The following ELAVL2 variants were observed in gnomAD, a reference collection of about 807,000 sequenced individuals.
ELAVL2 encodes the protein ELAV like RNA binding protein 2, also known as ELAV-like protein 2.
ELAVL2 carries 4 observed loss-of-function variants against 34.6 expected under a neutral mutation model. The observed-to-expected ratio is 0.12, with a 90% CI of 0.06 to 0.26. The LOEUF (loss-of-function observed/expected upper bound fraction) is 0.26. Ranked by LOEUF, ELAVL2 falls within the 10% of genes least tolerant of loss-of-function variation. The pLI is 1.00. For missense variants in ELAVL2, 432 were observed against 442.8 expected (o/e 0.98, Z 0.22); for synonymous variants, 193 against 154.8 (o/e 1.25, Z -1.83).
At chr9:23,752,798 T>C (rs1400991780) in intron 2 of ELAVL2, among the ~76,000 whole-genome samples, 3 of 152,148 alleles carry the variant, frequency 2.0e-5, no homozygotes, top group Non-Finnish European at 2.9e-5. Context: ...TGTCTTGCTT[T>C]TTTCCCCCTT....
At chr9:23,765,704 G>A (rs1415269963) in intron 1 of ELAVL2, among the ~76,000 whole-genome samples, 1 of 152,130 alleles carries the variant, frequency 6.6e-6, no homozygotes, top group African/African-American at 2.4e-5. Flanking sequence ...AATGAGAATT[G>A]CTCACATATA....
At chr9:23,780,829 A>G (rs1457707845) in intron 1 of ELAVL2, among the ~76,000 whole-genome samples, 1 of 152,214 alleles carries the variant, frequency 6.6e-6, no homozygotes, top group Non-Finnish European at 1.5e-5. Context: ...GCAAGTCACA[A>G]CACTATGTAG....
chr9:23,792,033 AT>A (rs1320318792), intron 1 of ELAVL2, among the ~76,000 whole-genome samples: 1 of 152,220 alleles, frequency 6.6e-6, no homozygotes, highest in Non-Finnish European at 1.5e-5. Flanking sequence ...AAACTTTGTA[AT>A]GGTGCAAGAT....
intron 1 of ELAVL2, chr9:23,783,502 G>A (rs1034036422): frequency 3.0e-6 from 3 of 985,290 alleles, no homozygotes; most frequent in Admixed American, 6.2e-5. Flanking sequence ...ATTGAATAAA[G>A]GCATCAGGAA....
intron 1 of ELAVL2, among the ~76,000 whole-genome samples, chr9:23,805,185 A>G (rs1460902852): frequency 3.9e-5 from 6 of 152,214 alleles, no homozygotes; most frequent in Admixed American, 1.3e-4. Flanking sequence ...AAAGACGTTA[A>G]TCATTTGGGG....
In ELAVL2 at chr9:23,811,929, C is replaced by A. The variant is rs147642156; in HGVS notation, c.-16+13877G>T. Among the ~76,000 whole-genome samples, 338 of 152,040 alleles carry A rather than the reference C, an allele frequency of 2.2e-3. 2 individuals are homozygous for A. The highest frequency in any genetic ancestry group is 7.4e-3 in the African/African-American group (306 of 41,466). On this transcript the variant is annotated intron_variant, in intron 1 of 6. Transcript: ENST00000397312. ...GGTAACAAAAACAATATGGGAGGAA[C>A]GGGGGAGGGAAATAAGACATAAAAA...
chr9:23,704,992 T>C lies in ELAVL2; in HGVS notation c.413A>G (p.Gln138Arg). The change falls in exon 4 of 7, where the codon CAG becomes CGG. Residue 138 changes from glutamine (Q) to arginine (R), a missense_variant. Gln to Arg is a conservative substitution (Grantham distance 43, BLOSUM62 1). Around this residue, in one of 3 missense-constraint regions of ELAVL2, gnomAD observed 295 missense variants for 306.1 expected, o/e 0.96. Transcript: ENST00000397312. Reference protein sequence around the residue: ...YVSGLPKTMTQKELEQLFSQY... With the variant: ...YVSGLPKTMTRKELEQLFSQY... The stretch of plus-strand genomic sequence containing the variant: ...TGAAAAAAGCTGTTCCAACTCCTTC[T>C]GGGTCATTGTTTTTGGAAGTCCGCT... 1.2e-6 allele frequency: 2 copies of C among 1,614,146 alleles called. No individual in the cohort carries two copies. Among genetic ancestry groups the C allele is most frequent in the Non-Finnish European group, 1.7e-6 (2 of 1,180,002 alleles).
At chr9:23,829,309 A>G (rs76990774), upstream of ELAVL2, among the ~76,000 whole-genome samples, 3,099 of 152,328 alleles carry the variant, frequency 0.02, 199 homozygotes, top group Admixed American at 0.12. Flanking sequence ...ATTTATTCAT[A>G]AGAATATGCA....
chr9:23,705,790 T>C (rs1336189696), intron 3 of ELAVL2, among the ~76,000 whole-genome samples: 1 of 152,192 alleles, frequency 6.6e-6, no homozygotes, highest in Non-Finnish European at 1.5e-5. Flanking sequence ...TGCTCACCTC[T>C]GGCTGTGTGC....
chr9:23,708,843 G>C (rs1480908502), intron 3 of ELAVL2, among the ~76,000 whole-genome samples: 1 of 151,886 alleles, frequency 6.6e-6, no homozygotes, highest in South Asian at 2.1e-4. Context: ...TCACCATGTT[G>C]GTCAGCCTGG....
At chr9:23,750,432 A>G (rs1297120728) in intron 2 of ELAVL2, among the ~76,000 whole-genome samples, 2 of 152,172 alleles carry the variant, frequency 1.3e-5, no homozygotes, top group Non-Finnish European at 2.9e-5. Context: ...AACAAATAAT[A>G]AAGAATATAA....
intron 1 of ELAVL2, among the ~76,000 whole-genome samples, chr9:23,790,008 T>G (rs2060143770): frequency 6.6e-6 from 1 of 151,850 alleles, no homozygotes; most frequent in Non-Finnish European, 1.5e-5. Context: ...TTCAAAGGGC[T>G]ATAAATGCTT....
intron 2 of ELAVL2, among the ~76,000 whole-genome samples, chr9:23,736,554 T>C (rs763034499): frequency 1.3e-5 from 2 of 152,168 alleles, no homozygotes; most frequent in Non-Finnish European, 2.9e-5. Context: ...TAACATTTGA[T>C]CCAAGGCTTG....
At chr9:23,704,796 T>A in intron 4 of ELAVL2, 122 bp downstream of exon 4, 1 of 1,286,914 alleles carries the variant, frequency 7.8e-7, no homozygotes, top group Non-Finnish European at 1.1e-6. Flanking sequence ...AAATTGCATT[T>A]TCTGGCCCAC....
intron 1 of ELAVL2, among the ~76,000 whole-genome samples, chr9:23,774,865 G>A (rs2057944308): frequency 6.6e-6 from 1 of 151,852 alleles, no homozygotes; most frequent in Admixed American, 6.6e-5. Context: ...TTATACCCTA[G>A]AATCTAGATT....
chr9:23,828,297 G>A (rs1466389767), upstream of ELAVL2, among the ~76,000 whole-genome samples: 5 of 152,166 alleles, frequency 3.3e-5, no homozygotes, highest in South Asian at 2.1e-4. Flanking sequence ...TACCATGCTC[G>A]TAGGTTAATA....
chr9:23,803,323 A>T (rs2061797096), intron 1 of ELAVL2, among the ~76,000 whole-genome samples: 3 of 152,378 alleles, frequency 2.0e-5, no homozygotes, highest in Non-Finnish European at 4.4e-5. Context: ...TTTATAAAGC[A>T]TAACAAGCTA....
At chr9:23,743,839 G>T (rs542068934) in intron 2 of ELAVL2, among the ~76,000 whole-genome samples, 3 of 151,992 alleles carry the variant, frequency 2.0e-5, no homozygotes, top group Admixed American at 6.6e-5. Flanking sequence ...GAAGTTACTC[G>T]ATTTGCTTAT....
At chr9:23,720,783 C>A (rs574103457) in intron 3 of ELAVL2, among the ~76,000 whole-genome samples, 1 of 152,288 alleles carries the variant, frequency 6.6e-6, no homozygotes, top group African/African-American at 2.4e-5. Context: ...AAGTGCAAAT[C>A]ATTAAGATCC....
Sources: gnomAD v4.1 joint callset for allele counts (sites outside exome capture counted in the v4.1 genomes callset) on GRCh38, gnomAD v4.1.1 for gene constraint, gnomAD v4.1.1 regional missense constraint, MANE v1.5 for transcripts, NCBI Gene and HGNC (gene_info 2026-07-23, HGNC 2026-07-21) for gene names.